MAP3K11: variants seen among roughly 807,000 people sequenced by gnomAD.
The protein encoded by MAP3K11 is mitogen-activated protein kinase kinase kinase 11.
Under a neutral mutation model 84.9 loss-of-function variants are expected in MAP3K11, and 46 were observed. The ratio of observed to expected loss-of-function variants is 0.54; its 90% CI spans 0.43 to 0.69. The LOEUF (loss-of-function observed/expected upper bound fraction) is 0.69. MAP3K11 is among the 30% of genes least tolerant of loss of function. The pLI, the probability that MAP3K11 is intolerant of heterozygous loss-of-function variation, is 0.00. For missense variants in MAP3K11, 1,053 were observed against 1,198.3 expected, an observed-to-expected ratio of 0.88 and a Z score of 1.79; for synonymous variants, 527 against 514.7, an observed-to-expected ratio of 1.02 and a Z score of -0.32.
intron 5 of MAP3K11, 157 bp from the exon 6 acceptor site, chr11:65,606,961 G>C (rs987082119): frequency 1.7e-6 from 1 of 593,046 alleles, no homozygotes; most frequent in Non-Finnish European, 2.9e-6. Flanking sequence ...TGAGCCCCTG[G>C]GTCTGGATAA....
In MAP3K11 at chr11:65,597,993, G is replaced by GC. The variant is rs1237154964; in HGVS notation, c.*297dup. On this transcript the variant is annotated 3_prime_UTR_variant, in exon 10 of 10. Transcript: ENST00000309100. ...CTTCCCTGCACCTCCCCTCCTCCCT[G>GC]CATCACCCCAGCAGGCAATTCCCTG... 7 of 327,556 alleles carry GC rather than the reference G, an allele frequency of 2.1e-5. No individual in the cohort carries two copies. The East Asian group carries it at 2.8e-4, about 13-fold the overall frequency. 20.3% of individuals were successfully genotyped at this position (327,556 alleles called of 1,614,324 possible).
chr11:65,603,032 G>A (rs1014311147), intron 8 of MAP3K11, among the ~76,000 whole-genome samples: 1 of 152,198 alleles, frequency 6.6e-6, no homozygotes, highest in East Asian at 1.9e-4. Flanking sequence ...GAGCCTGGGA[G>A]GCAGAGTTTG....
rs779497729 is a variant in MAP3K11 at position 65,613,063 on chromosome 11, C to T, written c.694G>A (p.Glu232Lys). ...CGGTGGATGACGGGCACCAGGGCCT[C>T]GCAGTGCAGGTAGTGCATCCCACGG... ...IARGMHYLHCEALVPVIHRDL... is the reference protein window; with the variant it reads ...IARGMHYLHCKALVPVIHRDL... Residue 232 changes from glutamate (E) to lysine (K), a missense_variant, in exon 1 of 10, where the codon GAG becomes AAG. Transcript: ENST00000309100. The T allele has an allele frequency of 4.8e-5, 73 of 1,524,736 alleles. No individual in the cohort carries two copies. Among genetic ancestry groups the T allele is most frequent in the Middle Eastern group, 1.8e-4 (1 of 5,654 alleles). The allele number at this position is 1,524,736 out of a possible 1,614,324, so 94.5% of individuals were successfully genotyped here.
rs1337781168 is a variant in MAP3K11, at chr11:65,598,325, G to A, written c.2510C>T (p.Ala837Val). The A allele has an allele frequency of 1.3e-6, 2 of 1,484,240 alleles. No individual in the cohort carries two copies. The highest frequency in any genetic ancestry group is 2.8e-5 in the South Asian group (2 of 70,732). 91.9% of individuals were successfully genotyped at this position (1,484,240 alleles called of 1,614,324 possible). ...CGCTTCCGGCACCCACGGGGCCTGG[G>A]CACCCATGTCTTTGGTCTGTGCCCT... Reference protein sequence around the residue: ...DCRAQTKDMGAQAPWVPEAGP With the variant: ...DCRAQTKDMGVQAPWVPEAGP The change falls in exon 10 of 10, where the codon GCC becomes GTC. Residue 837 changes from alanine (A) to valine (V), a missense_variant. Around this residue, in one of 3 missense-constraint regions of MAP3K11, gnomAD observed 583 missense variants for 566.6 expected, o/e 1.03. Transcript: ENST00000309100.
chr11:65,598,192 G>A lies in MAP3K11; in HGVS notation c.*99C>T. On this transcript the variant is annotated 3_prime_UTR_variant, in exon 10 of 10. Coordinates refer to ENST00000309100, the MANE Select transcript of MAP3K11 (RefSeq NM_002419.4). Reference sequence around the variant, plus strand: ...CCCAAAGGGGGGTGGGGTCCCTGGGGAAACTGAGGCAGCTGCAGAGGCTGA... The same window carrying A: ...CCCAAAGGGGGGTGGGGTCCCTGGGAAAACTGAGGCAGCTGCAGAGGCTGA... 9.3e-7 allele frequency: 1 copy of A among 1,071,732 alleles called. No individual in the cohort carries two copies. The highest frequency in any genetic ancestry group is 1.2e-6 in the Non-Finnish European group (1 of 806,498). The allele number at this position is 1,071,732 out of a possible 1,614,324, so 66.4% of individuals were successfully genotyped here.
chr11:65,613,662 G>A lies in MAP3K11; in HGVS notation c.95C>T (p.Pro32Leu). 6.2e-7 allele frequency: 1 copy of A among 1,612,604 alleles called. No homozygotes were observed. Among genetic ancestry groups the A allele is most frequent in the Non-Finnish European group, 8.5e-7 (1 of 1,179,944 alleles). ...ACCCGCTGCCTTTGGAGACCCCTCA[G>A]GCCGGCCTCCTCCACCGCCCCCACC... ...GGGGGGGGGR[P>L]EGSPKAAGYA... is the part of the protein sequence containing the mutation. The change falls in exon 1 of 10, where the codon CCT (proline) becomes CTT (leucine). Residue 32 changes from proline to leucine, a missense_variant. By Grantham distance (98) the Pro-to-Leu change is moderately conservative (BLOSUM62 -3). Transcript: ENST00000309100.
Position 65,599,576 on chromosome 11 carries a change from G to C in MAP3K11, c.2024C>G (p.Pro675Arg). Residue 675 changes from proline to arginine, a missense_variant, in exon 9 of 10, where the codon CCG (proline) becomes CGG (arginine). Coordinates refer to ENST00000309100, the MANE Select transcript of MAP3K11 (RefSeq NM_002419.4). ...GGPGRERGES[P>R]TTPPTPTPAP... The stretch of plus-strand genomic sequence containing the variant: ...GGGCGTTGGCGTGGGGGGTGTTGTC[G>C]GGGACTCCCCGCGCTCGCGTCCTGG... 2.7e-6 allele frequency: 4 copies of C among 1,509,216 alleles called. No homozygotes were observed. Among genetic ancestry groups the C allele is most frequent in the Non-Finnish European group, 3.5e-6 (4 of 1,138,006 alleles). The allele number at this position is 1,509,216 out of a possible 1,614,324, so 93.5% of individuals were successfully genotyped here.
At position 65,607,663 on chromosome 11, in the gene MAP3K11, T is replaced by C. The variant is rs1441281148; in HGVS notation, c.1223A>G (p.Asp408Gly). Residue 408 changes from aspartate to glycine, a missense_variant, in exon 4 of 10, where the codon GAC (aspartate) becomes GGC (glycine). Physicochemically the swap from Asp to Gly is moderately conservative, Grantham distance 94 (BLOSUM62 -1). Around this residue, in one of 3 missense-constraint regions of MAP3K11, gnomAD observed 310 missense variants for 464.5 expected, o/e 0.67. Transcript: ENST00000309100. ...CACCTTTTCCTTGGCTCGCAGCTCG[T>C]CGAAGAGACCCTGGATCTCGCGCTT... ...GWKREIQGLF[D>G]ELRAKEKELL... 6.2e-7 allele frequency: 1 copy of C among 1,610,298 alleles called. No individual in the cohort carries two copies.
At position 65,607,508 on chromosome 11, in the gene MAP3K11, T is replaced by A. The variant is rs1008275707; in HGVS notation, c.1251A>T (p.Leu417=). Residue 417 remains leucine (L), a synonymous_variant, in exon 5 of 10, where the codon CTA becomes CTT. Transcript: ENST00000309100. ...GCGTCAGCTCCTCCTCGCGGCTCAG[T>A]AGTTCCTGCGCCCGAGACAGCGATG... ...FDELRAKEKE[L]LSREEELTRA... 1.1e-5 allele frequency: 17 copies of A among 1,569,844 alleles called. No homozygotes were observed. Among genetic ancestry groups the A allele is most frequent in the Non-Finnish European group, 1.4e-5 (16 of 1,165,790 alleles).
Position 65,607,659 on chromosome 11 carries a change from C to T in MAP3K11, c.1227G>A (p.Glu409=). Residue 409 remains glutamate (E), a synonymous_variant, in exon 4 of 10, where the codon GAG becomes GAA. Coordinates refer to ENST00000309100, the MANE Select transcript of MAP3K11 (RefSeq NM_002419.4). ...CTCGCACCTTTTCCTTGGCTCGCAGCTCGTCGAAGAGACCCTGGATCTCGC... is the reference window on the plus strand; with the variant it reads ...CTCGCACCTTTTCCTTGGCTCGCAGTTCGTCGAAGAGACCCTGGATCTCGC... ...WKREIQGLFD[E]LRAKEKELLS... The T allele has an allele frequency of 6.2e-7, 1 of 1,608,970 alleles. No homozygotes were observed.
intron 5 of MAP3K11, chr11:65,607,012 C>T: frequency 3.3e-6 from 2 of 597,690 alleles, no homozygotes; most frequent in Non-Finnish European, 5.5e-6. Flanking sequence ...CTGGCGCCGG[C>T]CGGCCCCGCC....
chr11:65,598,704 G>A, intron 9 of MAP3K11, 76 bp from the exon 10 acceptor site: 2 of 1,143,858 alleles, frequency 1.7e-6, no homozygotes, highest in Non-Finnish European at 2.4e-6. Context: ...TCCTGCTCTG[G>A]GCCTCAGTTT....
At position 65,613,688 on chromosome 11, in the gene MAP3K11, A is replaced by G; in HGVS notation, c.69T>C (p.Gly23=). 15 of 1,153,176 alleles carry G rather than the reference A, an allele frequency of 1.3e-5. No individual in the cohort carries two copies. The highest frequency in any genetic ancestry group is 2.8e-5 in the East Asian group (1 of 36,146). 71.4% of individuals were successfully genotyped at this position (1,153,176 alleles called of 1,614,324 possible). Residue 23 remains glycine (G), a synonymous_variant, in exon 1 of 10, where the codon GGT becomes GGC. Transcript: ENST00000309100. The stretch of plus-strand genomic sequence containing the variant: ...GCCGGCCTCCTCCACCGCCCCCACC[A>G]CCCCCGCTGCCACTGCCATTCCATG... ...LGSWNGSGSG[G]GGGGGGGRPE...
At chr11:65,607,220 C>T in intron 5 of MAP3K11, 50 bp downstream of exon 5, 1 of 1,439,826 alleles carries the variant, frequency 6.9e-7, no homozygotes, top group Non-Finnish European at 9.0e-7. Flanking sequence ...CTGGCTCCAC[C>T]CCCACCCCCG....
At position 65,613,420 on chromosome 11, in the gene MAP3K11, T is replaced by C; in HGVS notation, c.337A>G (p.Ser113Gly). The change falls in exon 1 of 10, where the codon AGC (serine) becomes GGC (glycine). Residue 113 changes from serine (S) to glycine (G), a missense_variant. Transcript: ENST00000309100. ...TCCTCCAGCCGCAGCTCCTGGAAGCTGGCCACCTCGCAGGGGGGCGGGCCG... is the reference window on the plus strand; with the variant it reads ...TCCTCCAGCCGCAGCTCCTGGAAGCCGGCCACCTCGCAGGGGGGCGGGCCG... ...GGGPPPCEVA[S>G]FQELRLEEVI... 1 of 1,612,502 alleles carries C rather than the reference T, an allele frequency of 6.2e-7. No individual in the cohort carries two copies. The highest frequency in any genetic ancestry group is 8.5e-7 in the Non-Finnish European group (1 of 1,179,572).
rs1368568467 is a variant in MAP3K11 at position 65,606,005 on chromosome 11, C to T, written c.1680G>A (p.Arg560=). 6.2e-7 allele frequency: 1 copy of T among 1,602,590 alleles called. No homozygotes were observed. The highest frequency in any genetic ancestry group is 1.7e-5 in the Admixed American group (1 of 57,748). The change falls in exon 7 of 10, where the codon CGG becomes CGA. Residue 560 remains arginine, a synonymous_variant. Coordinates refer to ENST00000309100, the MANE Select transcript of MAP3K11 (RefSeq NM_002419.4). ...TGGGACCCCAAGCCCAGCATGCTCG[C>T]CGCTCTCCATTGCTTGAGTCCTCCA... ...RRLEDSSNGE[R]RACWAWGPSS... is the part of the protein sequence containing the mutation.
Position 65,599,544 on chromosome 11 carries a change from A to G in MAP3K11, c.2056T>C (p.Cys686Arg). The change falls in exon 9 of 10, where the codon TGC becomes CGC. Residue 686 changes from cysteine (C) to arginine (R), a missense_variant. This residue lies in a region of MAP3K11 where 583 missense variants were observed against 566.6 expected (regional missense o/e 1.03). Transcript: ENST00000309100. ...GGGGAAGGGGGCGGCTCGGTCGGGC[A>G]GGGCGCGGGCGTTGGCGTGGGGGGT... ...TTPPTPTPAP[C>R]PTEPPPSPLI... is the part of the protein sequence containing the mutation. 6.7e-7 allele frequency: 1 copy of G among 1,483,218 alleles called. No individual in the cohort carries two copies. Among genetic ancestry groups the G allele is most frequent in the Non-Finnish European group, 8.9e-7 (1 of 1,123,050 alleles). 91.9% of individuals were successfully genotyped at this position (1,483,218 alleles called of 1,614,324 possible).
At chr11:65,604,758 CT>C in intron 8 of MAP3K11, among the ~76,000 whole-genome samples, 1 of 152,226 alleles carries the variant, frequency 6.6e-6, no homozygotes, top group Middle Eastern at 3.4e-3. Flanking sequence ...GTTTAAACGG[CT>C]TGCTGAACAG....
chr11:65,598,548 G>C lies in MAP3K11; in HGVS notation c.2287C>G (p.Leu763Val). 1 of 1,610,310 alleles carries C rather than the reference G, an allele frequency of 6.2e-7. No homozygotes were observed. The highest frequency in any genetic ancestry group is 8.5e-7 in the Non-Finnish European group (1 of 1,178,156). Residue 763 changes from leucine to valine, a missense_variant, in exon 10 of 10, where the codon CTC (leucine) becomes GTC (valine). By Grantham distance (32) the Leu-to-Val change is conservative. Transcript: ENST00000309100. The part of the protein sequence containing the change: ...PGTPRSPPLG[L>V]ISRPRPSPLR... Reference sequence around the variant, plus strand: ...GGCGAGGGCCGAGGTCGGCTGATGAGGCCCAGGGGTGGTGAACGTGGGGTG... The same window carrying C: ...GGCGAGGGCCGAGGTCGGCTGATGACGCCCAGGGGTGGTGAACGTGGGGTG...
Sources: gnomAD v4.1 joint callset for allele counts (sites outside exome capture counted in the v4.1 genomes callset) on GRCh38, gnomAD v4.1.1 for gene constraint, gnomAD v4.1.1 regional missense constraint, MANE v1.5 for transcripts, NCBI Gene and HGNC (gene_info 2026-07-23, HGNC 2026-07-21) for gene names.